The following NXPE2 variants were observed in gnomAD, a reference collection of about 807,000 sequenced individuals.
NXPE2 encodes NXPE family member 2.
A neutral mutation model predicts 34.4 loss-of-function variants in NXPE2; 34 were observed. That is an observed-to-expected ratio of 0.99 (90% confidence interval 0.75 to 1.31). The LOEUF (loss-of-function observed/expected upper bound fraction) is 1.31. Ranked by LOEUF, NXPE2 falls within the 40% of genes most tolerant of loss-of-function variation. NXPE2 has a pLI of 0.00. For missense variants in NXPE2, 649 were observed against 672.5 expected (o/e 0.97, Z 0.39); for synonymous variants, 235 against 231.3 (o/e 1.02, Z -0.15).
the NXPE2 span, among the ~76,000 whole-genome samples, chr11:114,566,292 T>G: frequency 7.2e-5 from 11 of 152,036 alleles, no homozygotes; most frequent in South Asian, 2.1e-4. Flanking sequence ...TGCATAGGAA[T>G]GAACCCCAGG....
chr11:114,748,021 AC>A, the NXPE2 span, among the ~76,000 whole-genome samples: 1 of 151,952 alleles, frequency 6.6e-6, no homozygotes, highest in Admixed American at 6.6e-5. Context: ...TCGTGAGATC[AC>A]CTTTATTAGA....
the NXPE2 span, among the ~76,000 whole-genome samples, chr11:114,798,283 C>T: frequency 6.6e-6 from 1 of 152,142 alleles, no homozygotes; most frequent in African/African-American, 2.4e-5. Flanking sequence ...TGAATTGCAG[C>T]TACTGTCCCC....
chr11:114,534,336 A>G, the NXPE2 span, among the ~76,000 whole-genome samples: 1 of 152,212 alleles, frequency 6.6e-6, no homozygotes, highest in African/African-American at 2.4e-5. Flanking sequence ...AGATGGGGAA[A>G]AAACAGAGCA....
chr11:114,704,770 C>A (rs972564544), intron 4 of NXPE2, among the ~76,000 whole-genome samples: 1 of 152,170 alleles, frequency 6.6e-6, no homozygotes, highest in African/African-American at 2.4e-5. Flanking sequence ...ATGTAAAGTT[C>A]ACAATCTATG....
the NXPE2 span, chr11:114,522,627 T>C: frequency 3.6e-6 from 3 of 834,434 alleles, no homozygotes; most frequent in South Asian, 1.9e-5. Context: ...CTTTCTACTC[T>C]CTAGGGTACA....
At chr11:114,690,813 G>T (rs751249874) in intron 2 of NXPE2, among the ~76,000 whole-genome samples, 1 of 151,724 alleles carries the variant, frequency 6.6e-6, no homozygotes, top group East Asian at 1.9e-4. Context: ...TGTCTGAGTG[G>T]TTCATTGAAA....
At chr11:114,476,814 G>A in the NXPE2 span, among the ~76,000 whole-genome samples, 1 of 152,106 alleles carries the variant, frequency 6.6e-6, no homozygotes, top group Non-Finnish European at 1.5e-5. Context: ...ATTTGGGTGG[G>A]GACACAAAGC....
the NXPE2 span, among the ~76,000 whole-genome samples, chr11:114,745,667 C>T: frequency 4.0e-5 from 6 of 151,832 alleles, no homozygotes; most frequent in South Asian, 2.1e-4. Context: ...TTTTACATCT[C>T]GTAAGTATGA....
the NXPE2 span, among the ~76,000 whole-genome samples, chr11:114,604,917 T>C: frequency 6.6e-6 from 1 of 152,102 alleles, no homozygotes; most frequent in Admixed American, 6.6e-5. Context: ...ATAATTAGTG[T>C]TGCCTCTAGG....
chr11:114,754,324 T>A, the NXPE2 span, among the ~76,000 whole-genome samples: 1 of 152,224 alleles, frequency 6.6e-6, no homozygotes, highest in East Asian at 1.9e-4. Flanking sequence ...CTGTGTTCCC[T>A]GCCTCTCCCA....
the NXPE2 span, among the ~76,000 whole-genome samples, chr11:114,642,219 A>T: frequency 6.6e-6 from 1 of 152,114 alleles, no homozygotes; most frequent in Non-Finnish European, 1.5e-5. Context: ...CTTCTCCCCC[A>T]GTTCAAAAAA....
chr11:114,756,573 GCTTT>G, the NXPE2 span, among the ~76,000 whole-genome samples: 1 of 151,902 alleles, frequency 6.6e-6, no homozygotes, highest in African/African-American at 2.4e-5. Context: ...CATAAAGAAA[GCTTT>G]CTTTATTAAT....
At chr11:114,737,651 C>G in the NXPE2 span, among the ~76,000 whole-genome samples, 1 of 152,056 alleles carries the variant, frequency 6.6e-6, no homozygotes, top group Non-Finnish European at 1.5e-5. Context: ...GACTCATGGT[C>G]ACAGACATCC....
the NXPE2 span, among the ~76,000 whole-genome samples, chr11:114,564,899 T>C: frequency 6.6e-6 from 1 of 152,252 alleles, no homozygotes; most frequent in African/African-American, 2.4e-5. Flanking sequence ...AAGTTATTTC[T>C]ATACTCTATA....
the NXPE2 span, among the ~76,000 whole-genome samples, chr11:114,495,670 G>A: frequency 1.3e-5 from 2 of 152,242 alleles, no homozygotes; most frequent in South Asian, 4.1e-4. Flanking sequence ...CCTGAAGTGA[G>A]TACTGCCTGA....
chr11:114,745,113 T>A, the NXPE2 span, among the ~76,000 whole-genome samples: 1 of 152,096 alleles, frequency 6.6e-6, no homozygotes. Context: ...TTTGTAAAAT[T>A]GTTTGATGTA....
At chr11:114,539,170 A>G in the NXPE2 span, among the ~76,000 whole-genome samples, 1 of 152,116 alleles carries the variant, frequency 6.6e-6, no homozygotes, top group Non-Finnish European at 1.5e-5. Flanking sequence ...ATTCTGAGCA[A>G]ACTATCACAA....
At chr11:114,607,494 G>T in the NXPE2 span, among the ~76,000 whole-genome samples, 101,565 of 151,320 alleles carry the variant, frequency 0.67, 34,364 homozygotes, top group African/African-American at 0.75. Context: ...CACCATTACC[G>T]GCTGGATACT....
the NXPE2 span, among the ~76,000 whole-genome samples, chr11:114,598,012 T>A: frequency 6.6e-6 from 1 of 152,142 alleles, no homozygotes; most frequent in Admixed American, 6.6e-5. Flanking sequence ...CCCTTCCACC[T>A]ATGAGCCTGT....
Sources: allele counts gnomAD v4.1 joint callset (sites outside exome capture counted in the v4.1 genomes callset), GRCh38; gene constraint gnomAD v4.1.1; transcripts MANE v1.5; gene names NCBI Gene and HGNC (gene_info 2026-07-23, HGNC 2026-07-21).